OLFM1: variants seen among roughly 807,000 people sequenced by gnomAD.
OLFM1 encodes the protein olfactomedin 1.
In OLFM1, 9 loss-of-function variants were observed where a neutral mutation model predicts 49.7. The observed-to-expected ratio is 0.18, with a 90% CI of 0.11 to 0.32. OLFM1 has a LOEUF of 0.32. Ranked by LOEUF, OLFM1 falls within the 10% of genes least tolerant of loss-of-function variation. The pLI, the probability that OLFM1 is intolerant of heterozygous loss-of-function variation, is 1.00. For synonymous variants in OLFM1, 240 were observed against 271.8 expected, an observed-to-expected ratio of 0.88 and a Z score of 1.15; for missense variants, 369 against 661.8, an observed-to-expected ratio of 0.56 and a Z score of 4.85.
At chr9:135,076,007 C>T (rs1050190663) in intron 1 of OLFM1, 30 of 1,440,258 alleles carry the variant, frequency 2.1e-5, no homozygotes, top group Admixed American at 1.4e-4. Context: ...GGAGACGGCG[C>T]TCCTCCAGCC....
At chr9:135,075,920 G>T (rs533501597) in intron 1 of OLFM1, 2 of 1,321,902 alleles carry the variant, frequency 1.5e-6, no homozygotes, top group South Asian at 1.6e-5. Context: ...CGGCCTGGGC[G>T]CCCGAAGTGC....
chr9:135,076,392 GGTGA>G, intron 1 of OLFM1: 1 of 1,505,686 alleles, frequency 6.6e-7, no homozygotes, highest in Non-Finnish European at 8.9e-7. Flanking sequence ...CCCGGCAGGA[GGTGA>G]GTGAGGAGCC....
intron 1 of OLFM1, among the ~76,000 whole-genome samples, chr9:135,081,715 C>T (rs1274673762): frequency 6.6e-6 from 1 of 152,204 alleles, no homozygotes; most frequent in East Asian, 1.9e-4. Context: ...CTGGCTCATG[C>T]CTGTGATCCC....
intron 4 of OLFM1, among the ~76,000 whole-genome samples, chr9:135,102,485 C>G (rs78912003): frequency 0.036 from 5,524 of 152,264 alleles, 192 homozygotes; most frequent in African/African-American, 0.087. Context: ...GAGTGGGGCC[C>G]GGGCGGCCAG....
At chr9:135,101,669 G>A (rs781601277) in intron 4 of OLFM1, among the ~76,000 whole-genome samples, 6 of 152,232 alleles carry the variant, frequency 3.9e-5, no homozygotes, top group South Asian at 2.1e-4. Context: ...GTGCTGCCCC[G>A]TGCCCCTGGC....
At chr9:135,075,799 T>C in exon 1 of OLFM1, 1 of 1,602,438 alleles carries the variant, frequency 6.2e-7, no homozygotes, top group Non-Finnish European at 8.5e-7. Flanking sequence ...CTGAACTCAC[T>C]CAAGTACGTG....
chr9:135,077,186 A>G, intron 1 of OLFM1: 1 of 1,538,778 alleles, frequency 6.5e-7, no homozygotes, highest in Non-Finnish European at 8.8e-7. Flanking sequence ...ACAGGGGAGC[A>G]GATACCTGCA....
upstream of OLFM1, chr9:135,087,531 G>C (rs1830614228): frequency 7.7e-7 from 1 of 1,302,722 alleles, no homozygotes; most frequent in South Asian, 1.8e-5. Context: ...TGCAGACCTC[G>C]CTGCCAGCAG....
At chr9:135,082,398 T>C (rs1830544563) in intron 1 of OLFM1, among the ~76,000 whole-genome samples, 1 of 96,726 alleles carries the variant, frequency 1.0e-5, no homozygotes, top group Admixed American at 9.4e-5. Context: ...AAAATGGCTC[T>C]CCTGAGTGGT....
rs975925615 is a variant in OLFM1, at chr9:135,095,057, G to T, written c.301-807G>T. The T allele has an allele frequency of 2.9e-4, 44 of 152,198 alleles. 1 individual carries two copies. Among genetic ancestry groups the T allele is most frequent in the African/African-American group, 1.0e-3 (43 of 41,438 alleles). The allele number at this position is 152,198 out of a possible 1,614,324, so 9.4% of individuals were successfully genotyped here. ...TCCTGCAAATAAAATGCACTGGCAG[G>T]TGGCTGCACTAAAACTGTTTTTCTT... On this transcript the variant is annotated intron_variant, in intron 2 of 5. Transcript: ENST00000371793.
At chr9:135,114,877 C>T (rs1831075033) in intron 5 of OLFM1, among the ~76,000 whole-genome samples, 1 of 152,150 alleles carries the variant, frequency 6.6e-6, no homozygotes. Context: ...AACCAGGCCC[C>T]AGACACGGAT....
Position 135,113,580 on chromosome 9 carries a change from G to T in OLFM1, c.784-5924G>T, listed in dbSNP as rs903406805. On this transcript the variant is annotated intron_variant, in intron 5 of 5. Coordinates refer to ENST00000371793, the MANE Select transcript of OLFM1 (RefSeq NM_001282611.2). This position sits in a 1 kb window ranked among gnomAD's most constrained non-coding sequence, Gnocchi z 4.0. ...ACTGGCGGTGGCTGGCGGTGGAGGC[G>T]CTTCTTGGTGCCGCATTAACAGGAG... Among the ~76,000 whole-genome samples, 1 of 152,244 alleles carries T rather than the reference G, an allele frequency of 6.6e-6. No individual in the cohort carries two copies. The highest frequency in any genetic ancestry group is 6.5e-5 in the Admixed American group (1 of 15,308).
chr9:135,086,961 T>C, upstream of OLFM1, among the ~76,000 whole-genome samples: 1 of 152,174 alleles, frequency 6.6e-6, no homozygotes, highest in East Asian at 1.9e-4. Flanking sequence ...GCCCCAGACC[T>C]TATGCAGCTC....
upstream of OLFM1, among the ~76,000 whole-genome samples, chr9:135,083,716 C>G (rs1385004006): frequency 6.6e-6 from 1 of 152,216 alleles, no homozygotes; most frequent in Non-Finnish European, 1.5e-5. Context: ...CACAGGCTGC[C>G]TGGGGGCACC....
At position 135,110,408 on chromosome 9, in the gene OLFM1, G is replaced by A. The variant is rs78982906; in HGVS notation, c.783+3553G>A. ...CCACCACCCCAGGAAGTTCATGTTT[G>A]AAGGGGTGATATAATTAGGAAAACA... On this transcript the variant is annotated intron_variant, in intron 5 of 5. Coordinates refer to ENST00000371793, the MANE Select transcript of OLFM1 (RefSeq NM_001282611.2). Among the ~76,000 whole-genome samples, 1,089 of 152,298 alleles carry A rather than the reference G, an allele frequency of 7.2e-3. 31 individuals carry two copies. In the East Asian group the frequency reaches 0.081, roughly 11 times the overall value.
At chr9:135,077,221 T>C (rs1330817431) in intron 1 of OLFM1, 2 of 1,506,880 alleles carry the variant, frequency 1.3e-6, no homozygotes, top group Non-Finnish European at 1.8e-6. Context: ...AGGTCCTGAT[T>C]AGTGGCAAGC....
At chr9:135,094,671 G>A (rs1830762879) in intron 2 of OLFM1, among the ~76,000 whole-genome samples, 1 of 152,150 alleles carries the variant, frequency 6.6e-6, no homozygotes, top group African/African-American at 2.4e-5. Flanking sequence ...GCATTTTGGG[G>A]TGCTGAGATT....
At chr9:135,104,350 C>T (rs2119126312) in intron 4 of OLFM1, among the ~76,000 whole-genome samples, 1 of 152,316 alleles carries the variant, frequency 6.6e-6, no homozygotes, top group Non-Finnish European at 1.5e-5. Flanking sequence ...CACTGACTTG[C>T]TGCCTCTGGC....
At chr9:135,118,770 G>A (rs75059318) in intron 5 of OLFM1, among the ~76,000 whole-genome samples, 21,232 of 124,692 alleles carry the variant, frequency 0.17, 1,789 homozygotes, top group African/African-American at 0.25. Flanking sequence ...TGGAGTGCTC[G>A]CCGTGTCTTT....
Sources: gnomAD v4.1 joint callset for allele counts (sites outside exome capture counted in the v4.1 genomes callset) on GRCh38, gnomAD v4.1.1 for gene constraint, Gnocchi (gnomAD v3.1) non-coding constraint, MANE v1.5 for transcripts, NCBI Gene and HGNC (gene_info 2026-07-23, HGNC 2026-07-21) for gene names.